The following SMARCB1 variants were observed in gnomAD, a reference collection of about 807,000 sequenced individuals.
SMARCB1 encodes SWI/SNF-related matrix-associated actin-dependent regulator of chromatin subfamily B member 1.
SMARCB1 carries 5 observed loss-of-function variants against 49.0 expected under a neutral mutation model. The ratio of observed to expected loss-of-function variants is 0.10; its 90% confidence interval spans 0.05 to 0.21. The LOEUF is 0.21. Among genes scored for constraint, SMARCB1 ranks in the 10% least tolerant of loss-of-function variants. SMARCB1 has a pLI of 1.00. For missense variants in SMARCB1, 226 were observed against 509.2 expected (o/e 0.44, Z 5.35); for synonymous variants, 201 against 200.1 (o/e 1.00, Z -0.04).
At position 23,837,689 on chromosome 22, in the gene SMARCB1, G is replaced by A; in HGVS notation, c.*3509G>A. On this transcript the variant is annotated 3_prime_UTR_variant, in exon 9 of 9. Transcript: ENST00000644036. ...AGGTCCACGAGGATGGAGTTGCCCA[G>A]CAGCAGCGAGAAGCCCATGAGCGCC... is the stretch of plus-strand genomic sequence containing the variant. 1 of 1,613,802 alleles carries A rather than the reference G, an allele frequency of 6.2e-7. No homozygotes were observed. Among genetic ancestry groups the A allele is most frequent in the Non-Finnish European group, 8.5e-7 (1 of 1,179,896 alleles).
At chr22:23,816,273 T>G in intron 5 of SMARCB1, 1 of 222,300 alleles carries the variant, frequency 4.5e-6, no homozygotes, top group South Asian at 7.1e-5. Context: ...CTTGTGACCT[T>G]GTTGAGGCCC....
chr22:23,808,764 T>C (rs929071708), intron 5 of SMARCB1, among the ~76,000 whole-genome samples: 1 of 151,308 alleles, frequency 6.6e-6, no homozygotes, highest in Non-Finnish European at 1.5e-5. Context: ...AGTTGCACAG[T>C]CTCAGCTCAT....
Position 23,787,028 on chromosome 22 carries a change from G to T in SMARCB1, c.-142G>T, listed in dbSNP as rs376975600. 6.0e-5 allele frequency: 33 copies of T among 548,522 alleles called. No individual in the cohort carries two copies. Among genetic ancestry groups the T allele is most frequent in the Non-Finnish European group, 8.0e-5 (25 of 314,172 alleles). The allele number at this position is 548,522 out of a possible 1,614,324, so 34.0% of individuals were successfully genotyped here. On this transcript the variant is annotated 5_prime_UTR_variant, in exon 1 of 9. Transcript: ENST00000644036. ...CTGCGGCGGCGGCGGCGGCTGAGGA[G>T]CCCGGCTGAGGCGCCAGTACCCGGC...
Position 23,791,911 on chromosome 22 carries a change from G to T in SMARCB1, c.232+17G>T. On this transcript the variant is annotated intron_variant, in intron 2 of 8. Transcript: ENST00000644036. ...ACACTAAGGGTGCGTCTTCACGAGG[G>T]TTTGTAAACCTGTTTCAAAACCACT... is the stretch of plus-strand genomic sequence containing the variant. The T allele has an allele frequency of 1.9e-6, 3 of 1,613,606 alleles. No individual in the cohort carries two copies. Among genetic ancestry groups the T allele is most frequent in the African/African-American group, 1.3e-5 (1 of 75,048 alleles).
intron 7 of SMARCB1, among the ~76,000 whole-genome samples, chr22:23,829,384 G>A (rs2030542864): frequency 6.6e-6 from 1 of 152,184 alleles, no homozygotes; most frequent in African/African-American, 2.4e-5. Flanking sequence ...TGAGAAGGAA[G>A]GTGGGCCCTG....
chr22:23,811,266 A>G (rs2145998189), intron 5 of SMARCB1, among the ~76,000 whole-genome samples: 1 of 152,368 alleles, frequency 6.6e-6, no homozygotes, highest in Non-Finnish European at 1.5e-5. Context: ...GAAATCAGAT[A>G]GAACCAAAAG....
intron 5 of SMARCB1, chr22:23,804,392 T>G (rs1320279849): frequency 6.6e-6 from 1 of 152,176 alleles, no homozygotes; most frequent in Non-Finnish European, 1.5e-5. Flanking sequence ...AATGAGTAAA[T>G]GTTTAAAATC....
chr22:23,819,744 C>T (rs1172141615), intron 6 of SMARCB1, among the ~76,000 whole-genome samples: 4 of 57,940 alleles, frequency 6.9e-5, no homozygotes, highest in South Asian at 3.2e-4. Flanking sequence ...CTGCCTTTCT[C>T]GGTGGCTGCA....
intron 6 of SMARCB1, among the ~76,000 whole-genome samples, chr22:23,819,329 C>T (rs536501703): frequency 1.3e-5 from 2 of 150,090 alleles, no homozygotes; most frequent in African/African-American, 5.0e-5. Flanking sequence ...TTTATTCATT[C>T]ATTCATTCAT....
In SMARCB1 at chr22:23,834,793, G is replaced by T; in HGVS notation, c.*613G>T. ...AGGGCAAGAGGCTCTCTGCCTTTCA[G>T]GAACAGCCCTAACCCTGCTCCCCTT... On this transcript the variant is annotated 3_prime_UTR_variant, in exon 9 of 9. Coordinates refer to ENST00000644036, the MANE Select transcript of SMARCB1 (RefSeq NM_003073.5). 6.3e-7 allele frequency: 1 copy of T among 1,587,886 alleles called. No individual in the cohort carries two copies. Among genetic ancestry groups the T allele is most frequent in the Non-Finnish European group, 8.6e-7 (1 of 1,168,680 alleles).
In SMARCB1 at chr22:23,836,207, T is replaced by C. The variant is rs776420357; in HGVS notation, c.*2027T>C. On this transcript the variant is annotated 3_prime_UTR_variant, in exon 9 of 9. Transcript: ENST00000644036. The stretch of plus-strand genomic sequence containing the variant: ...GGTGAAAACTTAGGCTCTGAGGTCA[T>C]AGAAAGGGCAGAAGACCTAGTCCTG... 9 of 985,410 alleles carry C rather than the reference T, an allele frequency of 9.1e-6. No individual in the cohort carries two copies. The highest frequency in any genetic ancestry group is 1.1e-5 in the Non-Finnish European group (9 of 829,916). 61.0% of individuals were successfully genotyped at this position (985,410 alleles called of 1,614,324 possible).
Position 23,833,643 on chromosome 22 carries a change from T to C in SMARCB1, c.1058T>C (p.Leu353Pro). The change falls in exon 8 of 9, where the codon CTG becomes CCG. Residue 353 changes from leucine (L) to proline (P), a missense_variant. Leu to Pro is a moderately conservative substitution (Grantham distance 98, BLOSUM62 -3). This residue lies in a region of SMARCB1 where 4 missense variants were observed against 40.5 expected (regional missense o/e 0.10). Transcript: ENST00000644036. ...GATGCGGACCAGTGGTGCCCACTGC[T>C]GGAGACTCTGACAGACGCTGAGATG... ...TGDADQWCPL[L>P]ETLTDAEMEK... 1 of 1,614,190 alleles carries C rather than the reference T, an allele frequency of 6.2e-7. No homozygotes were observed. Among genetic ancestry groups the C allele is most frequent in the Non-Finnish European group, 8.5e-7 (1 of 1,180,034 alleles).
chr22:23,831,343 C>T (rs989678908), intron 7 of SMARCB1, among the ~76,000 whole-genome samples: 2 of 152,236 alleles, frequency 1.3e-5, no homozygotes, highest in African/African-American at 4.8e-5. Context: ...TCCTGGCTCC[C>T]TCTGTCCCTC....
chr22:23,799,364 C>T (rs1034940964), intron 3 of SMARCB1, among the ~76,000 whole-genome samples: 5 of 151,562 alleles, frequency 3.3e-5, no homozygotes, highest in African/African-American at 9.7e-5. Context: ...CTGCAACCTC[C>T]GCCTCCTGGG....
chr22:23,819,188 T>C (rs948294656), intron 6 of SMARCB1, among the ~76,000 whole-genome samples: 1 of 152,224 alleles, frequency 6.6e-6, no homozygotes, highest in Admixed American at 6.5e-5. Context: ...TTCTGTTGTA[T>C]GGATCTATCA....
At position 23,816,906 on chromosome 22, in the gene SMARCB1, G is replaced by A. The variant is rs1060504799; in HGVS notation, c.765G>A (p.Glu255=). Reference sequence around the variant, plus strand: ...CCTACCCCACGGACAGCATCCTGGAGGACCAGTCAGACCAGCGCGTCATCA... The same window carrying A: ...CCTACCCCACGGACAGCATCCTGGAAGACCAGTCAGACCAGCGCGTCATCA... ...IESYPTDSIL[E]DQSDQRVIIK... The change falls in exon 6 of 9, where the codon GAG becomes GAA. Residue 255 remains glutamate, a synonymous_variant. Transcript: ENST00000644036. 13 of 1,614,150 alleles carry A rather than the reference G, an allele frequency of 8.1e-6. No individual in the cohort carries two copies. The highest frequency in any genetic ancestry group is 1.1e-5 in the Non-Finnish European group (13 of 1,180,036).
rs528415125 is a variant in SMARCB1, at chr22:23,834,986, G to A, written c.*806G>A. On this transcript the variant is annotated 3_prime_UTR_variant, in exon 9 of 9. Transcript: ENST00000644036. ...CTGCTGGGCTGTCGCCAGCCTGGGT[G>A]CAGGAGGGCTGTTCTAGCTCCAGTG... The A allele has an allele frequency of 1.6e-5, 24 of 1,513,832 alleles. No individual in the cohort carries two copies. The Admixed American group carries it at 4.8e-4, about 31-fold the overall frequency. The allele number at this position is 1,513,832 out of a possible 1,614,324, so 93.8% of individuals were successfully genotyped here. A position where few individuals can be genotyped will look rare whatever the true frequency, so the allele number is the denominator to read the frequency against.
chr22:23,816,432 A>C (rs1002948928), intron 5 of SMARCB1: 5 of 492,744 alleles, frequency 1.0e-5, no homozygotes, highest in Non-Finnish European at 1.5e-5. Flanking sequence ...ATGGCACGCA[A>C]GCTTTGATGT....
intron 5 of SMARCB1, 37 bp from the exon 6 acceptor site, chr22:23,816,733 G>A (rs1056508181): frequency 6.9e-6 from 11 of 1,594,446 alleles, no homozygotes; most frequent in East Asian, 4.5e-5. Flanking sequence ...CAAGCATGGT[G>A]CAATCTCTTG....
Sources: allele counts gnomAD v4.1 joint callset (sites outside exome capture counted in the v4.1 genomes callset), GRCh38; gene constraint gnomAD v4.1.1; regional missense constraint gnomAD v4.1.1; transcripts MANE v1.5; gene names NCBI Gene and HGNC (gene_info 2026-07-23, HGNC 2026-07-21).